The following CNTNAP2 variants were observed in gnomAD, a reference collection of about 807,000 sequenced individuals.
The protein encoded by CNTNAP2 is contactin-associated protein-like 2.
Under a neutral mutation model 155.2 loss-of-function variants are expected in CNTNAP2, and 98 were observed. The ratio of observed to expected loss-of-function variants is 0.63; its 90% CI spans 0.54 to 0.75. CNTNAP2 has a LOEUF of 0.75. Among genes scored for constraint, CNTNAP2 ranks in the 30% least tolerant of loss-of-function variants. CNTNAP2 has a pLI of 0.00. For synonymous variants in CNTNAP2, 651 were observed against 631.2 expected, an observed-to-expected ratio of 1.03 and a Z score of -0.47; for missense variants, 1,727 against 1,688.1, an observed-to-expected ratio of 1.02 and a Z score of -0.40.
intron 8 of CNTNAP2, among the ~76,000 whole-genome samples, chr7:147,138,440 C>T (rs1486671595): frequency 6.6e-6 from 1 of 151,964 alleles, no homozygotes; most frequent in African/African-American, 2.4e-5. Flanking sequence ...GTGAGAGCCA[C>T]ATGGTACCAA....
At chr7:148,305,141 TG>T (rs1797466133) in intron 21 of CNTNAP2, among the ~76,000 whole-genome samples, 1 of 143,540 alleles carries the variant, frequency 7.0e-6, no homozygotes, top group Admixed American at 7.4e-5. Flanking sequence ...GAGGATCACT[TG>T]AGCCCAGGAA....
intron 1 of CNTNAP2, among the ~76,000 whole-genome samples, chr7:146,710,653 T>G (rs1355985792): frequency 6.6e-6 from 1 of 152,112 alleles, no homozygotes; most frequent in Non-Finnish European, 1.5e-5. Flanking sequence ...CACTTCTGAT[T>G]TTTTTCCTCT....
Position 146,304,820 on chromosome 7 carries a change from C to G in CNTNAP2, c.97+187847C>G, listed in dbSNP as rs1334557431. Among the ~76,000 whole-genome samples the G allele has an allele frequency of 2.6e-5, 4 of 152,042 alleles. No homozygotes were observed. The South Asian group carries it at 8.3e-4, about 32-fold the overall frequency. Reference sequence around the variant, plus strand: ...TTCCTAAATTTGAATGTTGGCCTGCCTTGCTATTTTGGGGAAGTTCCCCTG... The same window carrying G: ...TTCCTAAATTTGAATGTTGGCCTGCGTTGCTATTTTGGGGAAGTTCCCCTG... On this transcript the variant is annotated intron_variant, in intron 1 of 23. Transcript: ENST00000361727.
At chr7:148,095,434 G>A (rs752889469) in intron 15 of CNTNAP2, among the ~76,000 whole-genome samples, 11 of 152,302 alleles carry the variant, frequency 7.2e-5, no homozygotes, top group African/African-American at 1.2e-4. Context: ...ACGGTACTTC[G>A]AAATTAGCCA....
intron 6 of CNTNAP2, chr7:147,122,458 A>G (rs1306823310): frequency 5.9e-5 from 9 of 152,208 alleles, no homozygotes; most frequent in Admixed American, 3.3e-4. Context: ...GTGAAAGTAG[A>G]TTTTTATTTC....
chr7:146,814,326 T>C (rs941400963), intron 2 of CNTNAP2, among the ~76,000 whole-genome samples: 1 of 152,134 alleles, frequency 6.6e-6, no homozygotes, highest in Non-Finnish European at 1.5e-5. Context: ...TCTCTTTGTC[T>C]CTAAAGTAAG....
chr7:146,963,108 G>A (rs1046555225), intron 3 of CNTNAP2: 1 of 152,182 alleles, frequency 6.6e-6, no homozygotes, highest in African/African-American at 2.4e-5. Context: ...CCTCACCACG[G>A]AGGACTGATG....
intron 13 of CNTNAP2, among the ~76,000 whole-genome samples, chr7:147,849,509 T>C (rs939384968): frequency 6.6e-6 from 1 of 152,222 alleles, no homozygotes; most frequent in Non-Finnish European, 1.5e-5. Flanking sequence ...ATCTTGTCAT[T>C]ATGTAAATAC....
chr7:147,570,060 C>T lies in CNTNAP2; in HGVS notation c.1897+7803C>T, dbSNP rs569513557. On this transcript the variant is annotated intron_variant, in intron 12 of 23. Transcript: ENST00000361727. ...TGGCTCTGCCTGTCCAGGAGGAGCTCTCTGACTCGCTTTCCAGCGCTGACC... is the reference window on the plus strand; with the variant it reads ...TGGCTCTGCCTGTCCAGGAGGAGCTTTCTGACTCGCTTTCCAGCGCTGACC... Among the ~76,000 whole-genome samples the T allele has an allele frequency of 3.9e-5, 6 of 152,360 alleles. No individual in the cohort carries two copies. The South Asian group carries it at 1.2e-3, about 32-fold the overall frequency.
In CNTNAP2 at chr7:146,899,394, G is replaced by T. The variant is rs113619407; in HGVS notation, c.402+59490G>T. 7.2e-4 allele frequency among the ~76,000 whole-genome samples: 110 copies of T among 152,228 alleles called. 1 individual carries two copies. The highest frequency in any genetic ancestry group is 2.5e-3 in the African/African-American group (103 of 41,536). On this transcript the variant is annotated intron_variant, in intron 3 of 23. Transcript: ENST00000361727. Reference sequence around the variant, plus strand: ...TTCCTGTCCTCAGCACATTCCAGGTGAGAGCCCCGAAACCTCTTCTTATTC... The same window carrying T: ...TTCCTGTCCTCAGCACATTCCAGGTTAGAGCCCCGAAACCTCTTCTTATTC...
At chr7:148,015,974 A>T (rs1802170792) in intron 15 of CNTNAP2, among the ~76,000 whole-genome samples, 1 of 152,226 alleles carries the variant, frequency 6.6e-6, no homozygotes, top group Non-Finnish European at 1.5e-5. Flanking sequence ...GTCTAATGAA[A>T]GGGGTACTTA....
chr7:146,668,284 A>T (rs992109481), intron 1 of CNTNAP2, among the ~76,000 whole-genome samples: 2 of 152,186 alleles, frequency 1.3e-5, no homozygotes, highest in Admixed American at 6.5e-5. Context: ...TGATTTGTGT[A>T]TATTAAACCA....
chr7:146,566,877 A>G (rs1798365652), intron 1 of CNTNAP2, among the ~76,000 whole-genome samples: 1 of 152,130 alleles, frequency 6.6e-6, no homozygotes, highest in Non-Finnish European at 1.5e-5. Context: ...TGTTGGAGAT[A>G]ACAGCTAAAA....
chr7:148,001,068 A>G (rs1194720285), intron 15 of CNTNAP2, among the ~76,000 whole-genome samples: 2 of 152,214 alleles, frequency 1.3e-5, no homozygotes, highest in Admixed American at 6.5e-5. Context: ...TTTAGGACCC[A>G]CGCTAATTTA....
chr7:146,531,641 G>A (rs1036131495), intron 1 of CNTNAP2, among the ~76,000 whole-genome samples: 4 of 152,108 alleles, frequency 2.6e-5, no homozygotes, highest in Non-Finnish European at 4.4e-5. Flanking sequence ...CGCCTCCCAG[G>A]TTCAAGTGAT....
At chr7:146,252,482 C>G (rs1042091995) in intron 1 of CNTNAP2, among the ~76,000 whole-genome samples, 1 of 152,096 alleles carries the variant, frequency 6.6e-6, no homozygotes, top group Non-Finnish European at 1.5e-5. Flanking sequence ...TGCTGAAAAC[C>G]ACTTCTACTC....
intron 21 of CNTNAP2, among the ~76,000 whole-genome samples, chr7:148,336,492 C>T (rs1301414160): frequency 6.6e-6 from 1 of 150,410 alleles, no homozygotes; most frequent in Non-Finnish European, 1.5e-5. Flanking sequence ...CAGTGGGAAG[C>T]CTGTGAGTAC....
intron 8 of CNTNAP2, among the ~76,000 whole-genome samples, chr7:147,204,201 G>GA (rs1402676274): frequency 1.3e-5 from 2 of 151,536 alleles, no homozygotes; most frequent in Non-Finnish European, 1.5e-5. Context: ...CAATATATAT[G>GA]AAAAAATATA....
intron 13 of CNTNAP2, among the ~76,000 whole-genome samples, chr7:147,655,333 T>C (rs1795509642): frequency 6.6e-6 from 1 of 150,380 alleles, no homozygotes. Flanking sequence ...GTGTTTGCCA[T>C]GCTGGTCTCG....
Sources: allele counts gnomAD v4.1 joint callset (sites outside exome capture counted in the v4.1 genomes callset), GRCh38; gene constraint gnomAD v4.1.1; transcripts MANE v1.5; gene names NCBI Gene and HGNC (gene_info 2026-07-23, HGNC 2026-07-21).